The following NSMCE2 variants were observed in gnomAD, a reference collection of about 807,000 sequenced individuals.
NSMCE2 encodes the protein NSE2 SUMO ligase component of SMC5/6 complex.
NSMCE2 carries 24 observed loss-of-function variants against 23.8 expected under a neutral mutation model. That is an observed-to-expected ratio of 1.01 (90% CI 0.73 to 1.42). The LOEUF is 1.42. NSMCE2 is among the 40% of genes most tolerant of loss of function. The pLI is 0.00. For missense variants in NSMCE2, 284 were observed against 296.5 expected (o/e 0.96, Z 0.31); for synonymous variants, 92 against 94.1 (o/e 0.98, Z 0.13).
intron 5 of NSMCE2, among the ~76,000 whole-genome samples, chr8:125,238,331 T>A (rs959693558): frequency 5.3e-5 from 8 of 152,182 alleles, no homozygotes; most frequent in African/African-American, 1.9e-4. Flanking sequence ...TCAAGTTCCA[T>A]GTAAGTTATA....
chr8:125,263,808 G>A (rs1018067080), intron 5 of NSMCE2, among the ~76,000 whole-genome samples: 1 of 151,298 alleles, frequency 6.6e-6, no homozygotes, highest in African/African-American at 2.5e-5. Flanking sequence ...ATTTAATCTG[G>A]GACTAACTCA....
At chr8:125,159,403 T>C (rs35774093) in intron 4 of NSMCE2, among the ~76,000 whole-genome samples, 10,096 of 152,294 alleles carry the variant, frequency 0.066, 433 homozygotes, top group South Asian at 0.15. Flanking sequence ...TACATATGTT[T>C]AGATACATAA....
At chr8:125,177,021 C>T (rs1423579690) in intron 4 of NSMCE2, among the ~76,000 whole-genome samples, 2 of 152,206 alleles carry the variant, frequency 1.3e-5, no homozygotes, top group Non-Finnish European at 2.9e-5. Flanking sequence ...TATTTTTTGC[C>T]CTAGTACTGG....
intron 5 of NSMCE2, among the ~76,000 whole-genome samples, chr8:125,334,276 C>T (rs1290614956): frequency 6.6e-6 from 1 of 152,132 alleles, no homozygotes; most frequent in African/African-American, 2.4e-5. Flanking sequence ...TCATTGTCAT[C>T]TAAATGCATG....
rs775833709 is a variant in NSMCE2 at position 125,366,901 on chromosome 8, T to C, written c.*16T>C. ...TTCCGAGTAGGAAAAGCCACCTGCCTGCAGGGACACCAGCAGCCTACCTCC... is the reference window on the plus strand; with the variant it reads ...TTCCGAGTAGGAAAAGCCACCTGCCCGCAGGGACACCAGCAGCCTACCTCC... On this transcript the variant is annotated 3_prime_UTR_variant, in exon 8 of 8. Coordinates refer to ENST00000287437, the MANE Select transcript of NSMCE2 (RefSeq NM_173685.4). The C allele has an allele frequency of 1.4e-6, 2 of 1,428,956 alleles. No individual in the cohort carries two copies. Among genetic ancestry groups the C allele is most frequent in the Non-Finnish European group, 2.0e-6 (2 of 1,011,174 alleles). The allele number at this position is 1,428,956 out of a possible 1,614,324, so 88.5% of individuals were successfully genotyped here. A position where few individuals can be genotyped will look rare whatever the true frequency, so the allele number is the denominator to read the frequency against.
chr8:125,095,112 A>G (rs1004246337), intron 1 of NSMCE2, among the ~76,000 whole-genome samples: 1 of 152,134 alleles, frequency 6.6e-6, no homozygotes, highest in African/African-American at 2.4e-5. Context: ...TGGCCTCCCA[A>G]AGTGCTGGGA....
At chr8:125,224,197 T>C (rs1332788202) in intron 5 of NSMCE2, among the ~76,000 whole-genome samples, 2 of 152,210 alleles carry the variant, frequency 1.3e-5, no homozygotes, top group Non-Finnish European at 2.9e-5. Flanking sequence ...GAGTTCCTTA[T>C]GTATTTTGGA....
chr8:125,194,025 A>G (rs758872624), intron 5 of NSMCE2, among the ~76,000 whole-genome samples: 1 of 152,178 alleles, frequency 6.6e-6, no homozygotes, highest in Non-Finnish European at 1.5e-5. Flanking sequence ...AGGAGGAGGA[A>G]TGCTTGCAAA....
At chr8:125,127,336 T>C (rs534893658) in intron 3 of NSMCE2, among the ~76,000 whole-genome samples, 84 of 152,260 alleles carry the variant, frequency 5.5e-4, no homozygotes, top group Admixed American at 1.1e-3. Flanking sequence ...GAGTACATGA[T>C]AGTAAGGGCC....
At chr8:125,363,559 A>G (rs1266810126) in intron 7 of NSMCE2, among the ~76,000 whole-genome samples, 6 of 125,946 alleles carry the variant, frequency 4.8e-5, no homozygotes, top group African/African-American at 1.2e-4. Flanking sequence ...AGAGAGAGAG[A>G]GAGGGAGGGA....
At chr8:125,326,101 C>CA (rs1329201201) in intron 5 of NSMCE2, among the ~76,000 whole-genome samples, 1 of 151,666 alleles carries the variant, frequency 6.6e-6, no homozygotes, top group African/African-American at 2.4e-5. Flanking sequence ...ACTAAAAATA[C>CA]AAAAAATTAG....
At chr8:125,144,106 C>G (rs1022898460) in intron 3 of NSMCE2, among the ~76,000 whole-genome samples, 1 of 152,038 alleles carries the variant, frequency 6.6e-6, no homozygotes, top group Non-Finnish European at 1.5e-5. Flanking sequence ...TACTGAAGAC[C>G]TGGGGTTGTT....
At chr8:125,307,333 A>G (rs989418524) in intron 5 of NSMCE2, among the ~76,000 whole-genome samples, 1 of 152,238 alleles carries the variant, frequency 6.6e-6, no homozygotes, top group Non-Finnish European at 1.5e-5. Context: ...GATGCCTAGT[A>G]TATGATAAAG....
At position 125,295,739 on chromosome 8, in the gene NSMCE2, G is replaced by C. The variant is rs544079227; in HGVS notation, c.419-61480G>C. On this transcript the variant is annotated intron_variant, in intron 5 of 7. Coordinates refer to ENST00000287437, the MANE Select transcript of NSMCE2 (RefSeq NM_173685.4). Reference sequence around the variant, plus strand: ...TAGTTGGAAGGAATAGTTGGAGCTTGAATTTTGTCTCCTCCAAAGTAAAAG... The same window carrying C: ...TAGTTGGAAGGAATAGTTGGAGCTTCAATTTTGTCTCCTCCAAAGTAAAAG... Among the ~76,000 whole-genome samples the C allele has an allele frequency of 2.0e-5, 3 of 152,310 alleles. No individual in the cohort carries two copies. The South Asian group carries it at 6.2e-4, about 32-fold the overall frequency.
At position 125,199,452 on chromosome 8, in the gene NSMCE2, AG is replaced by A. The variant is rs559448966; in HGVS notation, c.418+17198del. On this transcript the variant is annotated intron_variant, in intron 5 of 7. Transcript: ENST00000287437. ...TTCGTTATTTACCCAGTAGTCATTCAGGAGCAAGTTGTTCAGTTTCCATGTA... is the reference window on the plus strand; with the variant it reads ...TTCGTTATTTACCCAGTAGTCATTCAGAGCAAGTTGTTCAGTTTCCATGTA... Among the ~76,000 whole-genome samples, 14 of 152,336 alleles carry A rather than the reference AG, an allele frequency of 9.2e-5. No homozygotes were observed. In the South Asian group the frequency reaches 2.9e-3, roughly 32 times the overall value.
At chr8:125,319,367 A>G (rs1161905412) in intron 5 of NSMCE2, among the ~76,000 whole-genome samples, 8 of 152,206 alleles carry the variant, frequency 5.3e-5, no homozygotes. Context: ...AACCCCTAAT[A>G]AGGGAGGGAA....
intron 5 of NSMCE2, among the ~76,000 whole-genome samples, chr8:125,335,393 C>T (rs537901907): frequency 3.3e-5 from 5 of 152,278 alleles, no homozygotes; most frequent in African/African-American, 1.2e-4. Flanking sequence ...TATGACAAAA[C>T]GCACTCAAGG....
intron 7 of NSMCE2, among the ~76,000 whole-genome samples, chr8:125,362,773 C>CT (rs1813613131): frequency 6.6e-6 from 1 of 152,232 alleles, no homozygotes; most frequent in Non-Finnish European, 1.5e-5. Flanking sequence ...CCATCAGAGT[C>CT]TATCTCCTCA....
At chr8:125,218,189 C>T (rs1324028787) in intron 5 of NSMCE2, among the ~76,000 whole-genome samples, 1 of 152,128 alleles carries the variant, frequency 6.6e-6, no homozygotes, top group Non-Finnish European at 1.5e-5. Flanking sequence ...GAAACCTGTA[C>T]TGAGAAAGCA....
Sources: allele counts gnomAD v4.1 joint callset (sites outside exome capture counted in the v4.1 genomes callset), GRCh38; gene constraint gnomAD v4.1.1; transcripts MANE v1.5; gene names NCBI Gene and HGNC (gene_info 2026-07-23, HGNC 2026-07-21).